The following PRKX variants were observed in gnomAD, a reference collection of about 807,000 sequenced individuals.
PRKX encodes the protein protein kinase cAMP-dependent X-linked catalytic subunit, also known as cAMP-dependent protein kinase catalytic subunit PRKX.
Under a neutral mutation model 22.0 loss-of-function variants are expected in PRKX, and 12 were observed. The observed-to-expected ratio is 0.54, with a 90% CI of 0.35 to 0.88. PRKX has a LOEUF of 0.88. Among genes scored for constraint, PRKX ranks in the 40% least tolerant of loss-of-function variants. The probability of loss-of-function intolerance (pLI) is 0.01; values close to 1 mark genes in which losing one functional copy is unlikely to be tolerated. For missense variants in PRKX, 217 were observed against 308.0 expected (o/e 0.70, Z 2.21); for synonymous variants, 134 against 137.7 (o/e 0.97, Z 0.19).
chrX:3,645,174 C>T (rs960266102), intron 3 of PRKX, among the ~76,000 whole-genome samples: 2 of 111,508 alleles, frequency 1.8e-5, no homozygotes, highest in Non-Finnish European at 3.8e-5. Context: ...CTTCCCTGCT[C>T]CTGTCTCCTT....
intron 4 of PRKX, among the ~76,000 whole-genome samples, chrX:3,634,719 GTC>G (rs1208362527): frequency 9.0e-6 from 1 of 111,188 alleles, no homozygotes; most frequent in Non-Finnish European, 1.9e-5. Flanking sequence ...TAGAGACAGG[GTC>G]TCTCTGTCAC....
At chrX:3,623,957 T>C (rs1371251991) in intron 5 of PRKX, among the ~76,000 whole-genome samples, 2 of 112,024 alleles carry the variant, frequency 1.8e-5, no homozygotes, top group Non-Finnish European at 3.8e-5. Flanking sequence ...AGGCGACATG[T>C]TTACCTGGTC....
rs1366797369 is a variant in PRKX, at chrX:3,713,434, C to G, written c.-181G>C. 4 of 316,295 alleles carry G rather than the reference C, an allele frequency of 1.3e-5. No homozygotes were observed. The highest frequency in any genetic ancestry group is 1.1e-4 in the African/African-American group (4 of 36,144). The allele number at this position is 316,295 out of a possible 1,213,427, so 26.1% of individuals were successfully genotyped here. On this transcript the variant is annotated 5_prime_UTR_variant, in exon 1 of 9. Transcript: ENST00000262848. Reference sequence around the variant, plus strand: ...CGGAGCGACGGGGACAATGGCTGGGCGGCGCTCACGGCACAAGCAGCAACG... The same window carrying G: ...CGGAGCGACGGGGACAATGGCTGGGGGGCGCTCACGGCACAAGCAGCAACG...
intron 3 of PRKX, among the ~76,000 whole-genome samples, chrX:3,642,801 C>T (rs761146046): frequency 7.4e-5 from 8 of 108,468 alleles, no homozygotes; most frequent in Non-Finnish European, 1.5e-4. Context: ...GAGTTCAAGA[C>T]CAGCCTGGCC....
At chrX:3,637,570 T>C in intron 4 of PRKX, among the ~76,000 whole-genome samples, 1 of 110,958 alleles carries the variant, frequency 9.0e-6, no homozygotes. Context: ...CCCACCCATG[T>C]GAAGAGACAC....
At chrX:3,615,176 G>A (rs1456768280) in intron 7 of PRKX, among the ~76,000 whole-genome samples, 4 of 108,935 alleles carry the variant, frequency 3.7e-5, no homozygotes, top group South Asian at 4.1e-4. Context: ...ATGCCACCAC[G>A]CCTGGCTAAT....
intron 4 of PRKX, among the ~76,000 whole-genome samples, chrX:3,639,543 GGT>G (rs769499239): frequency 1.4e-5 from 1 of 69,356 alleles, no homozygotes; most frequent in Non-Finnish European, 2.9e-5. Context: ...TGACGGGGTG[GGT>G]GGGTGGATGG....
At chrX:3,660,487 A>G (rs772320008) in intron 2 of PRKX, among the ~76,000 whole-genome samples, 1 of 112,055 alleles carries the variant, frequency 8.9e-6, no homozygotes, top group East Asian at 2.8e-4. Context: ...ACACACACAC[A>G]TACAAACACA....
chrX:3,632,864 A>T (rs1288457016), intron 4 of PRKX, among the ~76,000 whole-genome samples: 1 of 112,444 alleles, frequency 8.9e-6, no homozygotes, highest in Non-Finnish European at 1.9e-5. Context: ...GGTGACAGCT[A>T]CACTTGCAAG....
At chrX:3,625,355 T>C (rs1332763549) in intron 5 of PRKX, among the ~76,000 whole-genome samples, 1 of 111,377 alleles carries the variant, frequency 9.0e-6, no homozygotes, top group Non-Finnish European at 1.9e-5. Context: ...AAATAAGTCT[T>C]CTCTGAACTG....
intron 1 of PRKX, among the ~76,000 whole-genome samples, chrX:3,691,866 ATGAC>A (rs1051002487): frequency 2.5e-4 from 20 of 80,304 alleles, no homozygotes; most frequent in Admixed American, 2.2e-3. Context: ...GATTGATTGA[ATGAC>A]TGACTGGATG....
intron 1 of PRKX, among the ~76,000 whole-genome samples, chrX:3,685,977 T>C (rs1928170605): frequency 9.0e-6 from 1 of 111,229 alleles, no homozygotes. Context: ...GCCCAGGAGG[T>C]AGAGGCTGCA....
intron 1 of PRKX, among the ~76,000 whole-genome samples, chrX:3,687,002 TTTTA>T (rs1234800532): frequency 9.0e-6 from 1 of 111,610 alleles, no homozygotes; most frequent in Non-Finnish European, 1.9e-5. Context: ...TTGGACTTAC[TTTTA>T]TTTATTTTTA....
chrX:3,638,425 A>G (rs1926941018), intron 4 of PRKX, among the ~76,000 whole-genome samples: 1 of 111,815 alleles, frequency 8.9e-6, no homozygotes, highest in African/African-American at 3.3e-5. Flanking sequence ...ATTTAAAACC[A>G]TTAGACTACA....
chrX:3,618,732 C>T (rs1310224842), intron 6 of PRKX, among the ~76,000 whole-genome samples: 1 of 111,786 alleles, frequency 8.9e-6, no homozygotes, highest in African/African-American at 3.2e-5. Context: ...GTGAGCTTTT[C>T]CCCAATTCCT....
intron 6 of PRKX, among the ~76,000 whole-genome samples, chrX:3,620,523 G>T: frequency 8.9e-6 from 1 of 112,309 alleles, no homozygotes; most frequent in African/African-American, 3.2e-5. Flanking sequence ...GCAGGCAGGT[G>T]AGCGAAGCTT....
chrX:3,700,776 A>G (rs1315804829), intron 1 of PRKX, among the ~76,000 whole-genome samples: 1 of 71,955 alleles, frequency 1.4e-5, no homozygotes, highest in Non-Finnish European at 2.8e-5. Context: ...TGTTGTTTGT[A>G]GAGACAGGTT....
chrX:3,698,164 C>T (rs182597819), intron 1 of PRKX, among the ~76,000 whole-genome samples: 126 of 111,525 alleles, frequency 1.1e-3, no homozygotes, highest in Admixed American at 2.7e-3. Flanking sequence ...CAGCCTTAAG[C>T]GTTGTCATGA....
chrX:3,678,561 C>G (rs1044969231), intron 1 of PRKX, among the ~76,000 whole-genome samples: 13 of 112,275 alleles, frequency 1.2e-4, no homozygotes, highest in African/African-American at 3.9e-4. Flanking sequence ...ACTCAAAACA[C>G]GTTACTTATG....
Sources: gnomAD v4.1 joint callset for allele counts (sites outside exome capture counted in the v4.1 genomes callset) on GRCh38, gnomAD v4.1.1 for gene constraint, MANE v1.5 for transcripts, NCBI Gene and HGNC (gene_info 2026-07-23, HGNC 2026-07-21) for gene names.